DYNC2H1: variants seen among roughly 807,000 people sequenced by gnomAD.
DYNC2H1 encodes the protein cytoplasmic dynein 2 heavy chain 1.
A neutral mutation model predicts 570.0 loss-of-function variants in DYNC2H1; 410 were observed. The ratio of observed to expected loss-of-function variants is 0.72; its 90% CI spans 0.66 to 0.78. The LOEUF is 0.78. Ranked by LOEUF, DYNC2H1 falls within the 30% of genes least tolerant of loss-of-function variation. The pLI is 0.00. For missense variants in DYNC2H1, 4,865 were observed against 5,046.4 expected, an observed-to-expected ratio of 0.96 and a Z score of 1.09; for synonymous variants, 1,688 against 1,677.6, an observed-to-expected ratio of 1.01 and a Z score of -0.15.
chr11:103,111,115 C>T (rs150135695), intron 1 of DYNC2H1, among the ~76,000 whole-genome samples: 2 of 152,316 alleles, frequency 1.3e-5, no homozygotes, highest in Admixed American at 6.5e-5. Flanking sequence ...TGTGTGCCAC[C>T]GTGCCTGGCT....
At position 103,185,868 on chromosome 11, in the gene DYNC2H1, A is replaced by T. The variant is rs1175831568; in HGVS notation, c.6634-374A>T. Among the ~76,000 whole-genome samples the T allele has an allele frequency of 6.6e-6, 1 of 152,006 alleles. No homozygotes were observed. Among genetic ancestry groups the T allele is most frequent in the African/African-American group, 2.4e-5 (1 of 41,430 alleles). ...AAAAGAAGAATAACAGGTGGAGAGCAGTGGTAGTGACACTGTGATGGACAG... is the reference window on the plus strand; with the variant it reads ...AAAAGAAGAATAACAGGTGGAGAGCTGTGGTAGTGACACTGTGATGGACAG... On this transcript the variant is annotated intron_variant, in intron 41 of 88. Transcript: ENST00000375735. The surrounding 1 kb of genome is among the most constrained non-coding windows in gnomAD (Gnocchi z 4.5).
intron 85 of DYNC2H1, among the ~76,000 whole-genome samples, chr11:103,445,455 C>T (rs1010985381): frequency 6.6e-6 from 1 of 152,110 alleles, no homozygotes; most frequent in Non-Finnish European, 1.5e-5. Flanking sequence ...AAACAACTGA[C>T]TTGCTTCGGA....
intron 11 of DYNC2H1, among the ~76,000 whole-genome samples, chr11:103,123,211 C>G (rs559537968): frequency 3.3e-5 from 5 of 152,068 alleles, no homozygotes; most frequent in Non-Finnish European, 7.4e-5. Flanking sequence ...TTTCTCTTGT[C>G]TGTTCCCCAG....
intron 75 of DYNC2H1, among the ~76,000 whole-genome samples, chr11:103,295,151 A>T (rs1293662351): frequency 6.6e-6 from 1 of 152,084 alleles, no homozygotes. Flanking sequence ...ACTCAGATTT[A>T]TTTGGGCCCT....
chr11:103,432,906 C>G (rs1473806561), intron 84 of DYNC2H1, among the ~76,000 whole-genome samples: 1 of 152,060 alleles, frequency 6.6e-6, no homozygotes, highest in Non-Finnish European at 1.5e-5. Context: ...AAATTTCCTG[C>G]GACTCTTTTT....
rs1861696964 is a variant in DYNC2H1 at position 103,174,157 on chromosome 11, C to A, written c.5661C>A (p.Gly1887=). The change falls in exon 36 of 89, where the codon GGC becomes GGA. Residue 1887 remains glycine, a synonymous_variant. Transcript: ENST00000375735. ...TCCTTAGACAGCTAAACAAAAGTGGCACTACACAGAATGGTATGATTGATT... is the reference window on the plus strand; with the variant it reads ...TCCTTAGACAGCTAAACAAAAGTGGAACTACACAGAATGGTATGATTGATT... The part of the protein sequence containing the change: ...GNLLRQLNKS[G]TTQNANESHI... 6.4e-7 allele frequency: 1 copy of A among 1,574,430 alleles called. No homozygotes were observed. Among genetic ancestry groups the A allele is most frequent in the Non-Finnish European group, 8.6e-7 (1 of 1,157,888 alleles).
intron 82 of DYNC2H1, among the ~76,000 whole-genome samples, chr11:103,343,338 C>A (rs914498505): frequency 6.6e-6 from 1 of 152,178 alleles, no homozygotes; most frequent in African/African-American, 2.4e-5. Flanking sequence ...TCCCACCTCT[C>A]TTCTCCAAGG....
At chr11:103,112,968 A>G (rs779878498) in intron 1 of DYNC2H1, among the ~76,000 whole-genome samples, 71 of 152,258 alleles carry the variant, frequency 4.7e-4, no homozygotes, top group Non-Finnish European at 7.1e-4. Flanking sequence ...ACAAAGTTTT[A>G]TGCTCTTAAC....
chr11:103,125,402 A>G (rs1404360181), intron 12 of DYNC2H1, 107 bp downstream of exon 12: 2 of 812,394 alleles, frequency 2.5e-6, no homozygotes, highest in East Asian at 2.9e-5. Flanking sequence ...ATAGAATAGC[A>G]CTGCCAGCTG....
intron 82 of DYNC2H1, among the ~76,000 whole-genome samples, chr11:103,349,344 G>C (rs926046674): frequency 6.6e-6 from 1 of 151,962 alleles, no homozygotes; most frequent in African/African-American, 2.4e-5. Context: ...CATGTATTTC[G>C]TTGTGTATAT....
chr11:103,369,405 T>C lies in DYNC2H1; in HGVS notation c.12156+11046T>C, dbSNP rs1179617276. On this transcript the variant is annotated intron_variant, in intron 83 of 88. Coordinates refer to ENST00000375735, the MANE Select transcript of DYNC2H1 (RefSeq NM_001377.3). The surrounding 1 kb of genome is among the most constrained non-coding windows in gnomAD (Gnocchi z 4.0). ...CAGGCCACAAGGATTTCAATTCCTA[T>C]GTGAGTAATGCTGCTGAACTAGGCC... Among the ~76,000 whole-genome samples the C allele has an allele frequency of 2.6e-5, 4 of 152,138 alleles. No homozygotes were observed. Among genetic ancestry groups the C allele is most frequent in the Non-Finnish European group, 4.4e-5 (3 of 68,014 alleles).
At chr11:103,374,069 CT>C (rs1941289415) in intron 83 of DYNC2H1, among the ~76,000 whole-genome samples, 1 of 152,066 alleles carries the variant, frequency 6.6e-6, no homozygotes, top group South Asian at 2.1e-4. Context: ...GTCCATTTGT[CT>C]TTAATGAGTA....
chr11:103,403,971 A>C (rs1706628692), intron 84 of DYNC2H1: 1 of 152,018 alleles, frequency 6.6e-6, no homozygotes, highest in African/African-American at 2.4e-5. Flanking sequence ...CAGGTGAGAT[A>C]GTTCAGACAG....
chr11:103,335,578 C>T (rs559576686), intron 82 of DYNC2H1, among the ~76,000 whole-genome samples: 22 of 152,094 alleles, frequency 1.4e-4, no homozygotes, highest in African/African-American at 5.1e-4. Context: ...AGTCTAAGTA[C>T]AGTCATATAA....
chr11:103,119,601 A>G (rs1389559609), intron 6 of DYNC2H1, among the ~76,000 whole-genome samples: 1 of 152,162 alleles, frequency 6.6e-6, no homozygotes, highest in Non-Finnish European at 1.5e-5. Flanking sequence ...CGGCCTCTCA[A>G]AGTGCTGTGA....
chr11:103,375,766 G>C (rs945813215), intron 83 of DYNC2H1, among the ~76,000 whole-genome samples: 6 of 152,122 alleles, frequency 3.9e-5, no homozygotes, highest in African/African-American at 1.4e-4. Context: ...ACTTGCTTTT[G>C]GTTTTAAATG....
chr11:103,372,943 G>T (rs1325963334), intron 83 of DYNC2H1, among the ~76,000 whole-genome samples: 6 of 152,056 alleles, frequency 3.9e-5, no homozygotes, highest in Non-Finnish European at 7.4e-5. Context: ...AATTGTGTGT[G>T]TGTGTGTATG....
chr11:103,374,424 G>A (rs1393852268), intron 83 of DYNC2H1, among the ~76,000 whole-genome samples: 1 of 152,150 alleles, frequency 6.6e-6, no homozygotes, highest in African/African-American at 2.4e-5. Flanking sequence ...CAGTAAATTG[G>A]TACCAGGAGT....
chr11:103,211,260 G>C (rs1321563604), intron 53 of DYNC2H1, among the ~76,000 whole-genome samples: 1 of 151,914 alleles, frequency 6.6e-6, no homozygotes, highest in Admixed American at 6.6e-5. Context: ...ATTCACTGGG[G>C]CAGGGAATAC....
Sources: gnomAD v4.1 joint callset for allele counts (sites outside exome capture counted in the v4.1 genomes callset) on GRCh38, gnomAD v4.1.1 for gene constraint, Gnocchi (gnomAD v3.1) non-coding constraint, MANE v1.5 for transcripts, NCBI Gene and HGNC (gene_info 2026-07-23, HGNC 2026-07-21) for gene names.